BTBD7: variants seen among roughly 807,000 people sequenced by gnomAD.
The protein encoded by BTBD7 is BTB/POZ domain-containing protein 7.
Under a neutral mutation model 99.9 loss-of-function variants are expected in BTBD7, and 38 were observed. The ratio of observed to expected loss-of-function variants is 0.38; its 90% CI spans 0.29 to 0.50. BTBD7 has a LOEUF of 0.50. BTBD7 is among the 20% of genes least tolerant of loss of function. The pLI, the probability that BTBD7 is intolerant of heterozygous loss-of-function variation, is 0.93. For synonymous variants in BTBD7, 520 were observed against 511.4 expected (o/e 1.02, Z -0.23); for missense variants, 1,170 against 1,394.6 (o/e 0.84, Z 2.57).
At chr14:93,250,984 TA>T (rs140842609) in intron 8 of BTBD7, among the ~76,000 whole-genome samples, 4 of 151,742 alleles carry the variant, frequency 2.6e-5, no homozygotes, top group Non-Finnish European at 4.4e-5. Context: ...CCTATAGTGA[TA>T]AAAAAAAATC....
At chr14:93,246,718 T>G (rs908463776) in intron 9 of BTBD7, among the ~76,000 whole-genome samples, 1 of 152,254 alleles carries the variant, frequency 6.6e-6, no homozygotes, top group African/African-American at 2.4e-5. Context: ...CAAAATACTA[T>G]TCATTACCCA....
rs1284414583 is a variant in BTBD7 at position 93,250,200 on chromosome 14, C to T, written c.1942+1263G>A. 2.6e-5 allele frequency among the ~76,000 whole-genome samples: 4 copies of T among 152,240 alleles called. No individual in the cohort carries two copies. In the East Asian group the frequency reaches 7.7e-4, roughly 29 times the overall value. On this transcript the variant is annotated intron_variant, in intron 8 of 10. Transcript: ENST00000334746. Reference sequence around the variant, plus strand: ...AAGTGAGAAGAACCCAGGATGATACCAGAACAGGACCATACCTCATTAGCT... The same window carrying T: ...AAGTGAGAAGAACCCAGGATGATACTAGAACAGGACCATACCTCATTAGCT...
chr14:93,281,775 A>T (rs1283194109), intron 3 of BTBD7, among the ~76,000 whole-genome samples: 2 of 152,250 alleles, frequency 1.3e-5, no homozygotes, highest in Non-Finnish European at 2.9e-5. Context: ...AGGATTTGGG[A>T]AAAGCATTGG....
At chr14:93,309,058 T>C (rs949265647) in intron 1 of BTBD7, among the ~76,000 whole-genome samples, 2 of 152,140 alleles carry the variant, frequency 1.3e-5, no homozygotes, top group African/African-American at 4.8e-5. Context: ...AGAAAAGCAA[T>C]GACATACCTT....
Position 93,263,906 on chromosome 14 carries a change from C to G in BTBD7, c.1250G>C (p.Trp417Ser). 1 of 1,614,128 alleles carries G rather than the reference C, an allele frequency of 6.2e-7. No homozygotes were observed. The highest frequency in any genetic ancestry group is 1.1e-5 in the South Asian group (1 of 91,082). The stretch of plus-strand genomic sequence containing the variant: ...GAAATGTAAAGCTTGTCGGTGCACC[C>G]ATTTAGAGCCATATGGATGAGAACT... ...KWSSHPYGSK[W>S]VHRQALHFLC... The change falls in exon 4 of 11, where the codon TGG (tryptophan) becomes TCG (serine). Residue 417 changes from tryptophan (W) to serine (S), a missense_variant. Around this residue, in one of 4 missense-constraint regions of BTBD7, gnomAD observed 309 missense variants for 342.0 expected, o/e 0.90. Coordinates refer to ENST00000334746, the MANE Select transcript of BTBD7 (RefSeq NM_001002860.4).
intron 1 of BTBD7, among the ~76,000 whole-genome samples, chr14:93,300,785 T>A (rs1374332911): frequency 1.4e-5 from 1 of 70,112 alleles, no homozygotes; most frequent in Non-Finnish European, 2.9e-5. Flanking sequence ...TATATATATA[T>A]ATTTTTTTTT....
intron 6 of BTBD7, chr14:93,256,319 T>C (rs369956340): frequency 5.9e-5 from 9 of 152,204 alleles, no homozygotes; most frequent in African/African-American, 2.2e-4. Flanking sequence ...AAAAAACATA[T>C]TATGATGTTT....
Position 93,242,342 on chromosome 14 carries a change from T to C in BTBD7, c.3330A>G (p.Glu1110=), listed in dbSNP as rs749620723. 3 of 1,614,096 alleles carry C rather than the reference T, an allele frequency of 1.9e-6. No individual in the cohort carries two copies. The African/African-American group carries it at 4.0e-5, about 22-fold the overall frequency. The change falls in exon 11 of 11, where the codon GAA becomes GAG. Residue 1110 remains glutamate, a synonymous_variant. Coordinates refer to ENST00000334746, the MANE Select transcript of BTBD7 (RefSeq NM_001002860.4). ...GAQRNTDLER[E]DSISRGRRSP... is the part of the protein sequence containing the mutation. ...ACCTCCTTCCTCTGCTTATTGAATCTTCCCTTTCCAAATCTGTATTTCTCT... is the reference window on the plus strand; with the variant it reads ...ACCTCCTTCCTCTGCTTATTGAATCCTCCCTTTCCAAATCTGTATTTCTCT...
chr14:93,293,296 T>C (rs964257231), intron 3 of BTBD7, among the ~76,000 whole-genome samples: 7 of 152,194 alleles, frequency 4.6e-5, no homozygotes, highest in Non-Finnish European at 1.0e-4. Flanking sequence ...CACATGAGTC[T>C]AGCGCTAACT....
At chr14:93,301,843 G>A (rs1806170015) in intron 1 of BTBD7, among the ~76,000 whole-genome samples, 1 of 152,232 alleles carries the variant, frequency 6.6e-6, no homozygotes, top group Non-Finnish European at 1.5e-5. Context: ...CAAAGGGACA[G>A]ACAGATTTCC....
Position 93,242,393 on chromosome 14 carries a change from G to C in BTBD7, c.3279C>G (p.Asp1093Glu). 2 of 1,614,192 alleles carry C rather than the reference G, an allele frequency of 1.2e-6. No homozygotes were observed. The highest frequency in any genetic ancestry group is 1.7e-6 in the Non-Finnish European group (2 of 1,180,028). ...PEERSGRRLA[D>E]SESLGHGAQR... is the part of the protein sequence containing the mutation. ...GAGCTCCATGGCCCAGGGACTCACTGTCTGCCAGTCTTCTACCGGATCTCT... is the reference window on the plus strand; with the variant it reads ...GAGCTCCATGGCCCAGGGACTCACTCTCTGCCAGTCTTCTACCGGATCTCT... The change falls in exon 11 of 11, where the codon GAC becomes GAG. Residue 1093 changes from aspartate to glutamate, a missense_variant. By Grantham distance (45) the Asp-to-Glu change is conservative (BLOSUM62 2). Around this residue, in one of 4 missense-constraint regions of BTBD7, gnomAD observed 495 missense variants for 525.9 expected, o/e 0.94. Coordinates refer to ENST00000334746, the MANE Select transcript of BTBD7 (RefSeq NM_001002860.4).
chr14:93,291,856 C>T (rs1026937621), intron 3 of BTBD7, among the ~76,000 whole-genome samples: 6 of 151,604 alleles, frequency 4.0e-5, no homozygotes, highest in Non-Finnish European at 7.4e-5. Context: ...TACCAAAGAT[C>T]TTAGAGCTGG....
chr14:93,331,352 A>C (rs998758544), intron 1 of BTBD7, among the ~76,000 whole-genome samples: 2 of 152,190 alleles, frequency 1.3e-5, no homozygotes, highest in Non-Finnish European at 2.9e-5. Context: ...TGTAGGATCC[A>C]CAACAAGTCA....
chr14:93,251,894 A>C (rs2052371454), intron 7 of BTBD7, among the ~76,000 whole-genome samples: 1 of 152,246 alleles, frequency 6.6e-6, no homozygotes, highest in South Asian at 2.1e-4. Flanking sequence ...GAAGTATTTG[A>C]AATGTGAAGG....
intron 1 of BTBD7, among the ~76,000 whole-genome samples, chr14:93,328,611 T>TAAAAAA (rs57161505): frequency 9.8e-6 from 1 of 101,868 alleles, no homozygotes; most frequent in South Asian, 3.4e-4. Context: ...TAAAATTCTT[T>TAAAAAA]AAAAAAAAAA....
At chr14:93,253,941 C>G (rs2052399642) in intron 6 of BTBD7, 151 bp from the exon 7 acceptor site, 3 of 428,352 alleles carry the variant, frequency 7.0e-6, no homozygotes, top group Non-Finnish European at 7.3e-6. Context: ...AGAAATACCT[C>G]AAATTTTTTT....
intron 6 of BTBD7, among the ~76,000 whole-genome samples, chr14:93,254,290 T>A (rs2052404682): frequency 6.6e-6 from 1 of 152,192 alleles, no homozygotes; most frequent in Non-Finnish European, 1.5e-5. Flanking sequence ...AAAGATACCA[T>A]AATTTCCCAT....
Position 93,294,676 on chromosome 14 carries a change from G to A in BTBD7, c.344C>T (p.Ser115Phe). 1 of 1,614,124 alleles carries A rather than the reference G, an allele frequency of 6.2e-7. No individual in the cohort carries two copies. Among genetic ancestry groups the A allele is most frequent in the Non-Finnish European group, 8.5e-7 (1 of 1,180,034 alleles). Reference sequence around the variant, plus strand: ...TGGTCTAGCCAAACTGGCTTGTAGAGAAAGCTCCTTTAATGCTGATGTTCC... The same window carrying A: ...TGGTCTAGCCAAACTGGCTTGTAGAAAAAGCTCCTTTAATGCTGATGTTCC... Reference protein sequence around the residue: ...YEGTSALKELSLQASLARPEA... With the variant: ...YEGTSALKELFLQASLARPEA... Residue 115 changes from serine to phenylalanine, a missense_variant, in exon 3 of 11, where the codon TCT becomes TTT. Transcript: ENST00000334746.
At chr14:93,280,316 C>T (rs1049122335) in intron 3 of BTBD7, among the ~76,000 whole-genome samples, 4 of 152,184 alleles carry the variant, frequency 2.6e-5, no homozygotes, top group Non-Finnish European at 5.9e-5. Context: ...TTTCAAAATT[C>T]AGCACTGTTC....
Sources: gnomAD v4.1 joint callset for allele counts (sites outside exome capture counted in the v4.1 genomes callset) on GRCh38, gnomAD v4.1.1 for gene constraint, gnomAD v4.1.1 regional missense constraint, MANE v1.5 for transcripts, NCBI Gene and HGNC (gene_info 2026-07-23, HGNC 2026-07-21) for gene names.